GRID1: variants seen among roughly 807,000 people sequenced by gnomAD.
GRID1 encodes the protein glutamate ionotropic receptor delta type subunit 1, also known as glutamate receptor ionotropic, delta-1.
GRID1 carries 28 observed loss-of-function variants against 98.0 expected under a neutral mutation model. The observed-to-expected ratio is 0.29, with a 90% CI of 0.21 to 0.39. GRID1 has a LOEUF of 0.39. Ranked by LOEUF, GRID1 falls within the 10% of genes least tolerant of loss-of-function variation. The probability of loss-of-function intolerance (pLI) is 1.00; values close to 1 mark genes in which losing one functional copy is unlikely to be tolerated. For synonymous variants in GRID1, 553 were observed against 538.5 expected (o/e 1.03, Z -0.37); for missense variants, 1,111 against 1,340.5 (o/e 0.83, Z 2.67).
intron 8 of GRID1, among the ~76,000 whole-genome samples, chr10:85,797,609 AT>A (rs746153179): frequency 0.053 from 6,281 of 117,972 alleles, 156 homozygotes; most frequent in Non-Finnish European, 0.068. Flanking sequence ...CTAAATCTGT[AT>A]TTTTTTTTTT....
intron 4 of GRID1, among the ~76,000 whole-genome samples, chr10:86,095,126 T>C (rs755014466): frequency 6.6e-6 from 1 of 151,828 alleles, no homozygotes; most frequent in Non-Finnish European, 1.5e-5. Context: ...TTTTCAACAA[T>C]TGGTGCTGGG....
intron 8 of GRID1, among the ~76,000 whole-genome samples, chr10:85,819,080 T>A (rs1293449599): frequency 6.6e-6 from 1 of 152,062 alleles, no homozygotes; most frequent in Admixed American, 6.5e-5. Context: ...TTCATACTGA[T>A]ATAATGCATG....
chr10:86,222,887 T>C (rs1846280045), intron 2 of GRID1, among the ~76,000 whole-genome samples: 1 of 151,970 alleles, frequency 6.6e-6, no homozygotes, highest in Non-Finnish European at 1.5e-5. Flanking sequence ...GCTAGGAGTG[T>C]CAGGTGCACA....
chr10:86,067,444 C>T (rs534584834), intron 4 of GRID1, among the ~76,000 whole-genome samples: 19 of 152,168 alleles, frequency 1.2e-4, no homozygotes, highest in Non-Finnish European at 2.6e-4. Context: ...CAGACCTCAC[C>T]CCAAAAAGCC....
intron 2 of GRID1, among the ~76,000 whole-genome samples, chr10:86,260,283 C>A (rs983671402): frequency 6.6e-6 from 1 of 152,204 alleles, no homozygotes; most frequent in African/African-American, 2.4e-5. Flanking sequence ...AATACTTACA[C>A]CAATCTTTAC....
At chr10:86,001,302 G>A (rs1220464406) in intron 4 of GRID1, among the ~76,000 whole-genome samples, 1 of 149,688 alleles carries the variant, frequency 6.7e-6, no homozygotes, top group Non-Finnish European at 1.5e-5. Context: ...TTAAAATTTA[G>A]AGAACTGCAA....
chr10:86,067,857 G>A (rs1843742400), intron 4 of GRID1, among the ~76,000 whole-genome samples: 1 of 152,214 alleles, frequency 6.6e-6, no homozygotes, highest in Non-Finnish European at 1.5e-5. Flanking sequence ...CCTGAACTCA[G>A]CTGAGACCCC....
At chr10:85,630,166 T>G (rs1016257168) in intron 13 of GRID1, among the ~76,000 whole-genome samples, 2 of 152,210 alleles carry the variant, frequency 1.3e-5, no homozygotes, top group Non-Finnish European at 2.9e-5. Context: ...ACTTCCTTTA[T>G]AGAGTCTTCA....
At chr10:85,945,800 C>T (rs556089206) in intron 4 of GRID1, among the ~76,000 whole-genome samples, 1 of 152,138 alleles carries the variant, frequency 6.6e-6, no homozygotes, top group East Asian at 1.9e-4. Flanking sequence ...ATTCTGTTTC[C>T]AAGGTTTGTT....
chr10:85,901,977 G>A (rs1841395649), intron 5 of GRID1, among the ~76,000 whole-genome samples: 1 of 152,140 alleles, frequency 6.6e-6, no homozygotes, highest in Non-Finnish European at 1.5e-5. Context: ...CAGTAAATAG[G>A]GTTTGTTTCC....
At chr10:86,079,403 G>C (rs1362870474) in intron 4 of GRID1, among the ~76,000 whole-genome samples, 1 of 152,152 alleles carries the variant, frequency 6.6e-6, no homozygotes, top group Non-Finnish European at 1.5e-5. Flanking sequence ...CCTCACTGTA[G>C]ATGATTTAAT....
intron 8 of GRID1, among the ~76,000 whole-genome samples, chr10:85,767,469 A>G (rs1842208956): frequency 6.6e-6 from 1 of 152,246 alleles, no homozygotes; most frequent in Admixed American, 6.5e-5. Flanking sequence ...TATCTAATAT[A>G]CAAGCAGCAT....
At chr10:85,651,490 C>A (rs1843270942) in intron 12 of GRID1, among the ~76,000 whole-genome samples, 1 of 152,200 alleles carries the variant, frequency 6.6e-6, no homozygotes. Context: ...TGCAAATGCT[C>A]CCCCATCAGC....
chr10:85,955,202 T>C (rs1162581548), intron 4 of GRID1, among the ~76,000 whole-genome samples: 13 of 152,076 alleles, frequency 8.5e-5, no homozygotes, highest in Admixed American at 7.2e-4. Flanking sequence ...GGGAAGAACT[T>C]ACTCACTCAG....
intron 4 of GRID1, among the ~76,000 whole-genome samples, chr10:85,933,901 C>T (rs1023815252): frequency 6.6e-6 from 1 of 152,048 alleles, no homozygotes; most frequent in African/African-American, 2.4e-5. Flanking sequence ...AACATACTGG[C>T]TCACTTTGAT....
chr10:86,347,811 G>A (rs1255971195), intron 2 of GRID1, among the ~76,000 whole-genome samples: 1 of 152,228 alleles, frequency 6.6e-6, no homozygotes, highest in Non-Finnish European at 1.5e-5. Flanking sequence ...GACTCACATG[G>A]AGGGTGATTT....
intron 3 of GRID1, among the ~76,000 whole-genome samples, chr10:86,179,901 A>G (rs1415778979): frequency 2.0e-5 from 3 of 152,170 alleles, no homozygotes; most frequent in Non-Finnish European, 4.4e-5. Flanking sequence ...CACATTTATT[A>G]CACACACACC....
intron 4 of GRID1, among the ~76,000 whole-genome samples, chr10:86,081,719 C>A (rs969012370): frequency 2.0e-5 from 3 of 152,034 alleles, no homozygotes; most frequent in Non-Finnish European, 4.4e-5. Flanking sequence ...TGACAAGGCA[C>A]GGAGGAAACT....
intron 4 of GRID1, among the ~76,000 whole-genome samples, chr10:85,997,350 G>A (rs1013235536): frequency 6.6e-6 from 1 of 151,420 alleles, no homozygotes; most frequent in African/African-American, 2.4e-5. Flanking sequence ...AGTGAGCCAA[G>A]ATCGCGCCAC....
Sources: allele counts gnomAD v4.1 joint callset (sites outside exome capture counted in the v4.1 genomes callset), GRCh38; gene constraint gnomAD v4.1.1; transcripts MANE v1.5; gene names NCBI Gene and HGNC (gene_info 2026-07-23, HGNC 2026-07-21).